OSBPL6: variants seen among roughly 807,000 people sequenced by gnomAD.
OSBPL6 encodes the protein oxysterol-binding protein-related protein 6.
In OSBPL6, 49 loss-of-function variants were observed where a neutral mutation model predicts 125.8. The ratio of observed to expected loss-of-function variants is 0.39; its 90% CI spans 0.31 to 0.49. The LOEUF (loss-of-function observed/expected upper bound fraction) is 0.49, where lower values mean the gene tolerates loss of function less well. OSBPL6 is among the 20% of genes least tolerant of loss of function. The pLI is 0.88. For synonymous variants in OSBPL6, 394 were observed against 391.8 expected, an observed-to-expected ratio of 1.01 and a Z score of -0.07; for missense variants, 986 against 1,135.4, an observed-to-expected ratio of 0.87 and a Z score of 1.89.
intron 1 of OSBPL6, among the ~76,000 whole-genome samples, chr2:178,280,047 A>C (rs1683996622): frequency 6.6e-6 from 1 of 151,976 alleles, no homozygotes; most frequent in Non-Finnish European, 1.5e-5. Flanking sequence ...AAAATACAAA[A>C]ATTAGCTGGG....
intron 1 of OSBPL6, among the ~76,000 whole-genome samples, chr2:178,271,188 A>G (rs188331887): frequency 4.6e-5 from 7 of 152,278 alleles, no homozygotes; most frequent in Non-Finnish European, 8.8e-5. Context: ...GGCATTGTTC[A>G]CTGTCTCGGC....
chr2:178,381,042 T>C (rs1486692168), intron 15 of OSBPL6, among the ~76,000 whole-genome samples: 1 of 152,200 alleles, frequency 6.6e-6, no homozygotes, highest in Non-Finnish European at 1.5e-5. Flanking sequence ...TCTTACTTGT[T>C]TTCTAATTTT....
rs1461644213 is a variant in OSBPL6 at position 178,349,247 on chromosome 2, A to G, written c.1011A>G (p.Ser337=). The change falls in exon 12 of 25, where the codon TCA becomes TCG. Residue 337 remains serine (S), a synonymous_variant. Coordinates refer to ENST00000190611, the MANE Select transcript of OSBPL6 (RefSeq NM_032523.4). The part of the protein sequence containing the change: ...QLQVPFSATM[S]PVRLHSSNPN... ...AGGTTCCTTTCAGTGCTACCATGTC[A>G]CCAGTTCGCTTGCATTCCTCCAACC... 6.8e-6 allele frequency: 11 copies of G among 1,613,986 alleles called. No individual in the cohort carries two copies. Among genetic ancestry groups the G allele is most frequent in the African/African-American group, 1.3e-5 (1 of 74,912 alleles).
At chr2:178,374,611 A>G (rs1362410695) in intron 15 of OSBPL6, among the ~76,000 whole-genome samples, 2 of 152,232 alleles carry the variant, frequency 1.3e-5, no homozygotes, top group Non-Finnish European at 2.9e-5. Context: ...CAGGTTGCAG[A>G]AATTAGCTCT....
chr2:178,336,702 C>T (rs1689720470), intron 9 of OSBPL6, among the ~76,000 whole-genome samples: 1 of 152,142 alleles, frequency 6.6e-6, no homozygotes, highest in Non-Finnish European at 1.5e-5. Flanking sequence ...CCACTTCAGC[C>T]TTCTCTCCTT....
intron 15 of OSBPL6, among the ~76,000 whole-genome samples, chr2:178,379,790 G>C (rs1694294440): frequency 2.0e-5 from 3 of 152,158 alleles, no homozygotes; most frequent in Admixed American, 2.0e-4. Context: ...ACCAGTTGCA[G>C]CGGGAAAATA....
At position 178,387,264 on chromosome 2, in the gene OSBPL6, C is replaced by T. The variant is rs1305415266; in HGVS notation, c.2156+125C>T. On this transcript the variant is annotated intron_variant, in intron 20 of 24. Coordinates refer to ENST00000190611, the MANE Select transcript of OSBPL6 (RefSeq NM_032523.4). ...ATACCCAAACTTCTGTTACCTTTGC[C>T]AAAGTTTTGAGAATAGACTCCCACA... 34 of 691,456 alleles carry T rather than the reference C, an allele frequency of 4.9e-5. No individual in the cohort carries two copies. In the South Asian group the frequency reaches 5.0e-4, roughly 10 times the overall value. 42.8% of individuals were successfully genotyped at this position (691,456 alleles called of 1,614,324 possible). A position where few individuals can be genotyped will look rare whatever the true frequency, so the allele number is the denominator to read the frequency against.
At position 178,355,554 on chromosome 2, in the gene OSBPL6, G is replaced by A. The variant is rs551876873; in HGVS notation, c.1154-6128G>A. Among the ~76,000 whole-genome samples the A allele has an allele frequency of 1.6e-3, 238 of 152,246 alleles. 1 individual carries two copies. The highest frequency in any genetic ancestry group is 3.3e-3 in the South Asian group (16 of 4,822). ...CAAACCAGGAAGAAGTTGAATCTCT[G>A]AATAGACCAATACCAGGCTCTGAAA... On this transcript the variant is annotated intron_variant, in intron 12 of 24. Coordinates refer to ENST00000190611, the MANE Select transcript of OSBPL6 (RefSeq NM_032523.4).
chr2:178,222,647 A>AAAAT (rs1239432656), intron 1 of OSBPL6, among the ~76,000 whole-genome samples: 3 of 152,182 alleles, frequency 2.0e-5, no homozygotes, highest in African/African-American at 4.8e-5. Flanking sequence ...ACTCGTCTCA[A>AAAAT]AAATAAATAA....
chr2:178,269,144 G>C (rs563607989), intron 1 of OSBPL6, among the ~76,000 whole-genome samples: 1 of 152,254 alleles, frequency 6.6e-6, no homozygotes, highest in South Asian at 2.1e-4. Flanking sequence ...TATTATAAAG[G>C]ATACAGTTGA....
intron 1 of OSBPL6, among the ~76,000 whole-genome samples, chr2:178,236,434 T>C (rs1250195460): frequency 6.6e-6 from 1 of 152,224 alleles, no homozygotes; most frequent in East Asian, 1.9e-4. Context: ...ATCATCCTTC[T>C]GCACTTGCAG....
chr2:178,280,804 GTTGT>G (rs775199120), intron 1 of OSBPL6, among the ~76,000 whole-genome samples: 37 of 152,072 alleles, frequency 2.4e-4, no homozygotes, highest in Non-Finnish European at 4.7e-4. Context: ...TTTTAATGGG[GTTGT>G]TTGTTTGTTT....
chr2:178,253,319 C>T (rs1000741800), intron 1 of OSBPL6, among the ~76,000 whole-genome samples: 1 of 152,204 alleles, frequency 6.6e-6, no homozygotes, highest in Admixed American at 6.5e-5. Flanking sequence ...CTGTGCCCAG[C>T]CTTAAACCAC....
At chr2:178,214,828 G>A (rs942156212) in intron 1 of OSBPL6, among the ~76,000 whole-genome samples, 19 of 151,962 alleles carry the variant, frequency 1.3e-4, no homozygotes. Context: ...GCACGTGCTT[G>A]TAGTTCCAGC....
chr2:178,266,342 G>A (rs1187377838), intron 1 of OSBPL6, among the ~76,000 whole-genome samples: 1 of 152,214 alleles, frequency 6.6e-6, no homozygotes, highest in Non-Finnish European at 1.5e-5. Context: ...ATGACTTACA[G>A]TGATTGCACC....
intron 1 of OSBPL6, among the ~76,000 whole-genome samples, chr2:178,249,412 G>A (rs916176680): frequency 2.4e-4 from 36 of 152,074 alleles, no homozygotes; most frequent in Admixed American, 1.7e-3. Context: ...TACCTAATCC[G>A]TCTCCTATTG....
At chr2:178,332,456 T>C (rs1353853898) in intron 6 of OSBPL6, among the ~76,000 whole-genome samples, 185 bp from the exon 7 acceptor site, 1 of 152,228 alleles carries the variant, frequency 6.6e-6, no homozygotes, top group African/African-American at 2.4e-5. Context: ...GTGAAGTCAC[T>C]GCAACATCAA....
At chr2:178,334,976 G>T (rs1000421848) in intron 8 of OSBPL6, among the ~76,000 whole-genome samples, 1 of 152,114 alleles carries the variant, frequency 6.6e-6, no homozygotes, top group Non-Finnish European at 1.5e-5. Context: ...AGGAAGGTTG[G>T]GAACTTACAG....
chr2:178,265,631 A>G (rs936364842), intron 1 of OSBPL6, among the ~76,000 whole-genome samples: 20 of 152,140 alleles, frequency 1.3e-4, no homozygotes, highest in Admixed American at 6.5e-5. Context: ...GGGAAGATTT[A>G]TCACAGCTCT....
Sources: gnomAD v4.1 joint callset for allele counts (sites outside exome capture counted in the v4.1 genomes callset) on GRCh38, gnomAD v4.1.1 for gene constraint, MANE v1.5 for transcripts, NCBI Gene and HGNC (gene_info 2026-07-23, HGNC 2026-07-21) for gene names.